The following XPR1 variants were observed in gnomAD, a reference collection of about 807,000 sequenced individuals.
XPR1 encodes the protein solute carrier family 53 member 1.
In XPR1, 28 loss-of-function variants were observed where a neutral mutation model predicts 87.5. That is an observed-to-expected ratio of 0.32 (90% CI 0.24 to 0.44). XPR1 has a LOEUF of 0.44. Among genes scored for constraint, XPR1 ranks in the 20% least tolerant of loss-of-function variants. The pLI, the probability that XPR1 is intolerant of heterozygous loss-of-function variation, is 1.00. For synonymous variants in XPR1, 300 were observed against 306.1 expected (o/e 0.98, Z 0.21); for missense variants, 559 against 862.3 (o/e 0.65, Z 4.41).
At chr1:180,816,209 T>G (rs1571864489) in intron 7 of XPR1, among the ~76,000 whole-genome samples, 1 of 152,130 alleles carries the variant, frequency 6.6e-6, no homozygotes. Flanking sequence ...GGTTTCAAGG[T>G]GAAACCCTTC....
chr1:180,678,855 C>T (rs897832333), intron 1 of XPR1, among the ~76,000 whole-genome samples: 4 of 152,108 alleles, frequency 2.6e-5, no homozygotes, highest in African/African-American at 9.7e-5. Context: ...GAGTGGGTTA[C>T]CCTGGAAGTT....
chr1:180,680,698 C>A (rs1215339727), intron 1 of XPR1, among the ~76,000 whole-genome samples: 2 of 152,056 alleles, frequency 1.3e-5, no homozygotes, highest in African/African-American at 4.8e-5. Flanking sequence ...ATCAGCAATC[C>A]CACTACTGGG....
chr1:180,661,836 C>T (rs1335379376), intron 1 of XPR1, among the ~76,000 whole-genome samples: 1 of 152,154 alleles, frequency 6.6e-6, no homozygotes, highest in Non-Finnish European at 1.5e-5. Context: ...GATCATGCCA[C>T]TACACTCCAG....
In XPR1 at chr1:180,632,105, G is replaced by T; in HGVS notation, c.-97G>T. The T allele has an allele frequency of 6.9e-7, 1 of 1,449,220 alleles. No individual in the cohort carries two copies. The highest frequency in any genetic ancestry group is 9.5e-7 in the Non-Finnish European group (1 of 1,055,198). The allele number at this position is 1,449,220 out of a possible 1,614,324, so 89.8% of individuals were successfully genotyped here. ...GAGGAGGAGAGAAGCGCAGCGCCGC[G>T]CCGCGCCGGGGCCCATGTGGGGAGG... On this transcript the variant is annotated 5_prime_UTR_variant, in exon 1 of 15. Coordinates refer to ENST00000367590, the MANE Select transcript of XPR1 (RefSeq NM_004736.4).
chr1:180,840,566 G>GTGTGTGTATATA (rs1258711178), intron 11 of XPR1, among the ~76,000 whole-genome samples: 2 of 136,400 alleles, frequency 1.5e-5, no homozygotes, highest in South Asian at 2.4e-4. Context: ...GTGTGTGTGT[G>GTGTGTGTATATA]TATATATATA....
chr1:180,767,471 T>G (rs1648329919), intron 2 of XPR1, among the ~76,000 whole-genome samples: 1 of 152,282 alleles, frequency 6.6e-6, no homozygotes. Context: ...CTGGTGATCC[T>G]TAGTGCATTC....
At chr1:180,761,386 A>G (rs1648023564) in intron 2 of XPR1, among the ~76,000 whole-genome samples, 1 of 152,242 alleles carries the variant, frequency 6.6e-6, no homozygotes, top group Non-Finnish European at 1.5e-5. Context: ...CAAAGGGCTA[A>G]TATCCAGAAT....
chr1:180,652,255 G>T (rs1655320713), intron 1 of XPR1, among the ~76,000 whole-genome samples: 1 of 151,984 alleles, frequency 6.6e-6, no homozygotes. Context: ...TGGCGCCATT[G>T]CACTCCAGCC....
intron 13 of XPR1, chr1:180,878,266 A>G (rs1176434392): frequency 2.0e-5 from 3 of 152,186 alleles, no homozygotes; most frequent in Non-Finnish European, 2.9e-5. Context: ...CAAATGTTCT[A>G]TCCCATTTAA....
At chr1:180,779,736 G>T (rs1028010366) in intron 2 of XPR1, among the ~76,000 whole-genome samples, 3 of 151,936 alleles carry the variant, frequency 2.0e-5, no homozygotes, top group African/African-American at 7.3e-5. Context: ...GGGAAAAAAA[G>T]GAAGATATAA....
intron 2 of XPR1, among the ~76,000 whole-genome samples, chr1:180,706,228 G>A (rs890386838): frequency 2.6e-5 from 4 of 152,150 alleles, no homozygotes; most frequent in East Asian, 1.9e-4. Flanking sequence ...ATAGACCTTC[G>A]TGGGTTCCTT....
intron 2 of XPR1, among the ~76,000 whole-genome samples, chr1:180,690,661 T>C (rs749656582): frequency 1.3e-5 from 2 of 151,964 alleles, no homozygotes; most frequent in Non-Finnish European, 2.9e-5. Context: ...TTTATTTCTT[T>C]GCATAGCATT....
intron 3 of XPR1, among the ~76,000 whole-genome samples, chr1:180,791,009 G>C (rs1249907853): frequency 1.3e-5 from 2 of 152,158 alleles, no homozygotes; most frequent in African/African-American, 4.8e-5. Flanking sequence ...ATAGCAGGAG[G>C]AGGAGGAGGA....
In XPR1 at chr1:180,823,942, A is replaced by T. The variant is rs1650729630; in HGVS notation, c.764-811A>T. Among the ~76,000 whole-genome samples, 2 of 152,230 alleles carry T rather than the reference A, an allele frequency of 1.3e-5. 1 individual carries two copies. The highest frequency in any genetic ancestry group is 4.1e-4 in the South Asian group (2 of 4,834). ...TTAGCACATAGTAAGCATTCCGTAA[A>T]TATTAACTGTTGTCATTTATATGAC... On this transcript the variant is annotated intron_variant, in intron 7 of 14. Transcript: ENST00000367590.
At chr1:180,826,020 A>T (rs1160811880) in intron 9 of XPR1, among the ~76,000 whole-genome samples, 1 of 152,204 alleles carries the variant, frequency 6.6e-6, no homozygotes, top group Non-Finnish European at 1.5e-5. Flanking sequence ...ATTGCATTCC[A>T]GCCTGGGCAA....
chr1:180,811,213 T>G (rs555574493), intron 6 of XPR1, among the ~76,000 whole-genome samples, 194 bp from the exon 7 acceptor site: 2 of 152,268 alleles, frequency 1.3e-5, no homozygotes, highest in South Asian at 4.1e-4. Flanking sequence ...AAAAAAAGCT[T>G]GATTAATTGG....
At chr1:180,726,619 T>C (rs1293871405) in intron 2 of XPR1, among the ~76,000 whole-genome samples, 2 of 152,174 alleles carry the variant, frequency 1.3e-5, no homozygotes, top group African/African-American at 4.8e-5. Flanking sequence ...TTTATTTGCC[T>C]TTTTCACTCT....
rs186005052 is a variant in XPR1, at chr1:180,822,292, A to G, written c.764-2461A>G. On this transcript the variant is annotated intron_variant, in intron 7 of 14. Transcript: ENST00000367590. Reference sequence around the variant, plus strand: ...CTTGGCTTTCTTCCTAGAGCAATCTATCTTAAGGCCCTTTGTACTTTCCCT... The same window carrying G: ...CTTGGCTTTCTTCCTAGAGCAATCTGTCTTAAGGCCCTTTGTACTTTCCCT... Among the ~76,000 whole-genome samples, 55 of 152,262 alleles carry G rather than the reference A, an allele frequency of 3.6e-4. 1 individual carries two copies. The highest frequency in any genetic ancestry group is 1.2e-3 in the South Asian group (6 of 4,824).
At chr1:180,696,198 G>GTATA (rs1276412497) in intron 2 of XPR1, among the ~76,000 whole-genome samples, 15 of 115,880 alleles carry the variant, frequency 1.3e-4, no homozygotes, top group Middle Eastern at 4.0e-3. Context: ...GTGTGTGTGT[G>GTATA]TGTGTGTGTG....
Sources: gnomAD v4.1 joint callset for allele counts (sites outside exome capture counted in the v4.1 genomes callset) on GRCh38, gnomAD v4.1.1 for gene constraint, MANE v1.5 for transcripts, NCBI Gene and HGNC (gene_info 2026-07-23, HGNC 2026-07-21) for gene names.